Variants in OTUD7A observed in about 807,000 individuals in gnomAD.
The protein encoded by OTUD7A is OTU domain-containing protein 7A.
In OTUD7A, 12 loss-of-function variants were observed where a neutral mutation model predicts 65.7. That is an observed-to-expected ratio of 0.18 (90% CI 0.12 to 0.30). The LOEUF is 0.30. Among genes scored for constraint, OTUD7A ranks in the 10% least tolerant of loss-of-function variants. The pLI, the probability that OTUD7A is intolerant of heterozygous loss-of-function variation, is 1.00. For missense variants in OTUD7A, 1,148 were observed against 1,304.8 expected (o/e 0.88, Z 1.85); for synonymous variants, 641 against 586.3 (o/e 1.09, Z -1.35).
intron 1 of OTUD7A, among the ~76,000 whole-genome samples, chr15:31,802,101 ATATGTGTG>A (rs36184834): frequency 0.16 from 22,795 of 140,444 alleles, 2,208 homozygotes; most frequent in East Asian, 0.42. Flanking sequence ...GTGTGTGTAT[ATATGTGTG>A]TGTGTGTGTG....
intron 5 of OTUD7A, among the ~76,000 whole-genome samples, chr15:31,541,781 A>G (rs1176173313): frequency 1.3e-5 from 2 of 152,134 alleles, no homozygotes; most frequent in East Asian, 3.9e-4. Flanking sequence ...AATGTGGGGA[A>G]TTGGGACTGG....
chr15:31,863,735 C>T (rs535349586), intron 1 of OTUD7A, among the ~76,000 whole-genome samples: 1 of 152,306 alleles, frequency 6.6e-6, no homozygotes, highest in South Asian at 2.1e-4. Flanking sequence ...TCTGATGTGG[C>T]CTGGAGACAT....
At chr15:31,562,956 A>G (rs1888741244) in intron 4 of OTUD7A, among the ~76,000 whole-genome samples, 1 of 152,236 alleles carries the variant, frequency 6.6e-6, no homozygotes, top group Non-Finnish European at 1.5e-5. Context: ...GAAGAACTCA[A>G]CTAAAGGAGA....
At chr15:31,572,067 C>A (rs1889071996) in intron 3 of OTUD7A, among the ~76,000 whole-genome samples, 1 of 152,094 alleles carries the variant, frequency 6.6e-6, no homozygotes, top group South Asian at 2.1e-4. Flanking sequence ...TGAGAATAAG[C>A]TTAATTCTAG....
chr15:31,621,344 T>C (rs532368995), intron 3 of OTUD7A, among the ~76,000 whole-genome samples: 8 of 152,188 alleles, frequency 5.3e-5, no homozygotes, highest in Non-Finnish European at 7.3e-5. Flanking sequence ...GTTTCGTTGA[T>C]CTGTCTATCG....
intron 1 of OTUD7A, among the ~76,000 whole-genome samples, chr15:31,678,636 G>T (rs57521502): frequency 0.056 from 8,453 of 152,240 alleles, 795 homozygotes; most frequent in African/African-American, 0.19. Context: ...TCATGTGGTG[G>T]TTGGCCTGCA....
intron 5 of OTUD7A, among the ~76,000 whole-genome samples, chr15:31,550,839 T>C (rs4779892): frequency 0.93 from 140,878 of 152,272 alleles, 65,307 homozygotes; most frequent in East Asian, 1. Flanking sequence ...AGGCGTATCC[T>C]GGGAGTGTTC....
chr15:31,623,707 A>G (rs548595448), intron 3 of OTUD7A, among the ~76,000 whole-genome samples: 41 of 152,296 alleles, frequency 2.7e-4, no homozygotes, highest in African/African-American at 9.6e-4. Context: ...GACCCCTTGC[A>G]CTTCCCGGGT....
intron 1 of OTUD7A, among the ~76,000 whole-genome samples, chr15:31,747,842 C>T (rs1489518376): frequency 2.6e-5 from 4 of 152,162 alleles, no homozygotes; most frequent in East Asian, 3.9e-4. Flanking sequence ...CAACACCATA[C>T]GCCTTTTTGA....
At chr15:31,669,049 A>G (rs1223824565) in intron 1 of OTUD7A, among the ~76,000 whole-genome samples, 1 of 152,072 alleles carries the variant, frequency 6.6e-6, no homozygotes, top group Non-Finnish European at 1.5e-5. Context: ...GTTCTCCTGG[A>G]GCTGGTGGTG....
At chr15:31,643,887 C>T (rs1373244141) in intron 3 of OTUD7A, among the ~76,000 whole-genome samples, 1 of 152,094 alleles carries the variant, frequency 6.6e-6, no homozygotes, top group Admixed American at 6.5e-5. Context: ...AAAAAGCAGC[C>T]CAGGAAATCA....
chr15:31,628,806 C>A (rs1337081304), intron 3 of OTUD7A, among the ~76,000 whole-genome samples: 5 of 152,186 alleles, frequency 3.3e-5, no homozygotes, highest in Non-Finnish European at 7.3e-5. Flanking sequence ...AGAGGTCCTT[C>A]ACATCCCTTG....
chr15:31,675,785 CAACCCCCACCA>C (rs1405194756), intron 1 of OTUD7A, among the ~76,000 whole-genome samples: 1 of 152,162 alleles, frequency 6.6e-6, no homozygotes, highest in East Asian at 1.9e-4. Flanking sequence ...AATAGCCAAC[CAACCCCCACCA>C]AATATCCTGT....
rs997534227 is a variant in OTUD7A, at chr15:31,850,659, G to A, written c.-100+19848C>T. Among the ~76,000 whole-genome samples the A allele has an allele frequency of 2.6e-4, 40 of 152,114 alleles. 1 individual carries two copies. Among genetic ancestry groups the A allele is most frequent in the Admixed American group, 4.6e-4 (7 of 15,252 alleles). On this transcript the variant is annotated intron_variant, in intron 1 of 12. Transcript: ENST00000307050. ...TGCTCACACCCACCACAACCCTGAT[G>A]CATACAAAGCACTTTTACAACCTTG...
chr15:31,566,529 C>A (rs1251674192), intron 4 of OTUD7A, among the ~76,000 whole-genome samples: 1 of 152,144 alleles, frequency 6.6e-6, no homozygotes, highest in Non-Finnish European at 1.5e-5. Context: ...TGAGACAAGA[C>A]ACCATTTTCC....
Position 31,817,278 on chromosome 15 carries a change from C to G in OTUD7A, c.-100+53229G>C, listed in dbSNP as rs1303323187. 5.5e-5 allele frequency among the ~76,000 whole-genome samples: 8 copies of G among 146,692 alleles called. No homozygotes were observed. In the South Asian group the frequency reaches 1.1e-3, roughly 20 times the overall value. The stretch of plus-strand genomic sequence containing the variant: ...ATTACACCACCCTAGATCATTTGCC[C>G]CCCCCCATCACTCATGGCTTATCAG... On this transcript the variant is annotated intron_variant, in intron 1 of 12. Coordinates refer to ENST00000307050, the MANE Select transcript of OTUD7A (RefSeq NM_001382637.1).
chr15:31,531,460 C>G (rs1887617378), intron 5 of OTUD7A, among the ~76,000 whole-genome samples: 1 of 127,752 alleles, frequency 7.8e-6, no homozygotes, highest in South Asian at 2.6e-4. Flanking sequence ...CCTGGAGTTT[C>G]TTTTTGCCTC....
In OTUD7A at chr15:31,702,193, T is replaced by C. The variant is rs553309323; in HGVS notation, c.-99-45116A>G. On this transcript the variant is annotated intron_variant, in intron 1 of 12. Coordinates refer to ENST00000307050, the MANE Select transcript of OTUD7A (RefSeq NM_001382637.1). ...ATCATATTTAATGGTGAAAGAATGG[T>C]TTTCCCCTAAGATTGGGAACAAGCA... is the stretch of plus-strand genomic sequence containing the variant. Among the ~76,000 whole-genome samples the C allele has an allele frequency of 2.2e-4, 24 of 110,592 alleles. No individual in the cohort carries two copies. The East Asian group carries it at 5.4e-3, about 25-fold the overall frequency. The allele number at this position is 110,592 out of a possible 152,430, so 72.6% of individuals were successfully genotyped here. A position where few individuals can be genotyped will look rare whatever the true frequency, so the allele number is the denominator to read the frequency against.
chr15:31,794,352 C>T (rs1171703189), intron 1 of OTUD7A, among the ~76,000 whole-genome samples: 1 of 152,184 alleles, frequency 6.6e-6, no homozygotes, highest in Non-Finnish European at 1.5e-5. Flanking sequence ...TTCCTCTTTA[C>T]ATTGATGGTT....
Sources: allele counts gnomAD v4.1 joint callset (sites outside exome capture counted in the v4.1 genomes callset), GRCh38; gene constraint gnomAD v4.1.1; transcripts MANE v1.5; gene names NCBI Gene and HGNC (gene_info 2026-07-23, HGNC 2026-07-21).